Variants in PAX8 observed in about 807,000 individuals in gnomAD.
PAX8 encodes the protein paired box protein Pax-8.
Under a neutral mutation model 52.4 loss-of-function variants are expected in PAX8, and 15 were observed. The ratio of observed to expected loss-of-function variants is 0.29; its 90% CI spans 0.19 to 0.44. PAX8 has a LOEUF of 0.44. Among genes scored for constraint, PAX8 ranks in the 20% least tolerant of loss-of-function variants. PAX8 has a pLI of 1.00. For missense variants in PAX8, 554 were observed against 602.5 expected, an observed-to-expected ratio of 0.92 and a Z score of 0.84; for synonymous variants, 284 against 249.7, an observed-to-expected ratio of 1.14 and a Z score of -1.29.
intron 9 of PAX8, among the ~76,000 whole-genome samples, chr2:113,228,265 G>C (rs1689699859): frequency 6.6e-6 from 1 of 152,168 alleles, no homozygotes; most frequent in African/African-American, 2.4e-5. Flanking sequence ...CAAGATTCTT[G>C]GCAAGGTGAC....
At chr2:113,244,746 C>T in intron 3 of PAX8, 122 bp from the exon 4 acceptor site, 1 of 896,596 alleles carries the variant, frequency 1.1e-6, no homozygotes, top group Non-Finnish European at 1.8e-6. Flanking sequence ...GTGAAATGTG[C>T]CTCCAAGGCT....
At chr2:113,262,332 C>T (rs1041760636) in intron 2 of PAX8, among the ~76,000 whole-genome samples, 1 of 152,068 alleles carries the variant, frequency 6.6e-6, no homozygotes, top group Non-Finnish European at 1.5e-5. Context: ...AAGTGTTGAA[C>T]CTGGACTTCA....
intron 2 of PAX8, among the ~76,000 whole-genome samples, chr2:113,248,133 A>G (rs79820349): frequency 0.028 from 4,242 of 152,296 alleles, 82 homozygotes; most frequent in Non-Finnish European, 0.045. Context: ...ATTCAACTCT[A>G]TAGTACCTAG....
intron 2 of PAX8, chr2:113,269,816 C>T (rs1693342703): frequency 6.6e-6 from 1 of 152,214 alleles, no homozygotes; most frequent in Non-Finnish European, 1.5e-5. Flanking sequence ...TTCCTGCAGT[C>T]CTGTCTTAGC....
intron 2 of PAX8, chr2:113,259,248 C>T (rs1397725149): frequency 6.6e-6 from 1 of 152,662 alleles, no homozygotes; most frequent in Non-Finnish European, 1.5e-5. Flanking sequence ...GGACTCACTT[C>T]CTTTCCTTCC....
chr2:113,216,231 G>GA lies in PAX8; in HGVS notation c.*2301_*2302insT, dbSNP rs1689025685. On this transcript the variant is annotated 3_prime_UTR_variant, in exon 12 of 12. Transcript: ENST00000429538. ...ATGGATTCGGAGTCGCGCTGCAGAGGGAAGTTCTGCCATTGAAAAACCAGC... is the reference window on the plus strand; with the variant it reads ...ATGGATTCGGAGTCGCGCTGCAGAGGAGAAGTTCTGCCATTGAAAAACCAGC... The GA allele has an allele frequency of 8.7e-6, 2 of 230,982 alleles. No homozygotes were observed. The highest frequency in any genetic ancestry group is 4.4e-5 in the African/African-American group (2 of 45,220). The allele number at this position is 230,982 out of a possible 1,614,324, so 14.3% of individuals were successfully genotyped here.
At chr2:113,245,045 G>GT (rs11460401) in intron 3 of PAX8, among the ~76,000 whole-genome samples, 17,756 of 135,506 alleles carry the variant, frequency 0.13, 1,589 homozygotes, top group African/African-American at 0.26. Context: ...GGTTTTTTTT[G>GT]TTTTTTTTTT....
At chr2:113,255,995 A>G (rs962364784) in intron 2 of PAX8, among the ~76,000 whole-genome samples, 1 of 46,208 alleles carries the variant, frequency 2.2e-5, no homozygotes, top group Non-Finnish European at 4.4e-5. Flanking sequence ...CTCAATCAGT[A>G]AAAAAAAAAA....
At chr2:113,248,472 G>A (rs1691502383) in intron 2 of PAX8, among the ~76,000 whole-genome samples, 1 of 152,242 alleles carries the variant, frequency 6.6e-6, no homozygotes, top group Non-Finnish European at 1.5e-5. Context: ...GAGCAGGCAG[G>A]TGAGAAGGAA....
intron 7 of PAX8, 77 bp from the exon 8 acceptor site, chr2:113,236,798 T>C: frequency 6.6e-7 from 1 of 1,511,878 alleles, no homozygotes; most frequent in Non-Finnish European, 8.9e-7. Flanking sequence ...GCCTGTGTCT[T>C]AGGACTTGGC....
intron 2 of PAX8, chr2:113,272,634 T>C (rs944815178): frequency 1.3e-5 from 2 of 152,164 alleles, no homozygotes; most frequent in Non-Finnish European, 2.9e-5. Context: ...GACTCCTGGA[T>C]TGTCATGCTC....
At chr2:113,241,140 G>C (rs1174273567) in intron 7 of PAX8, 1 of 347,674 alleles carries the variant, frequency 2.9e-6, no homozygotes, top group Non-Finnish European at 5.6e-6. Context: ...CATGAGTAAT[G>C]CAAGAGCATG....
intron 2 of PAX8, chr2:113,274,631 T>C (rs149852484): frequency 1.7e-4 from 26 of 152,304 alleles, no homozygotes; most frequent in African/African-American, 6.0e-4. Context: ...ATTAAACTGT[T>C]TACTCCAAGG....
chr2:113,226,796 TCA>T lies in PAX8; in HGVS notation c.1189+357_1189+358del, dbSNP rs950912810. The T allele has an allele frequency of 2.7e-5, 33 of 1,217,768 alleles. No homozygotes were observed. In the African/African-American group the frequency reaches 4.0e-4, roughly 15 times the overall value. The allele number at this position is 1,217,768 out of a possible 1,614,324, so 75.4% of individuals were successfully genotyped here. A position where few individuals can be genotyped will look rare whatever the true frequency, so the allele number is the denominator to read the frequency against. On this transcript the variant is annotated intron_variant, in intron 10 of 11. Transcript: ENST00000429538. Reference sequence around the variant, plus strand: ...CTTGAGGGTAGGGTTCATCTTCCACTCACAGTGTTTTGGGGCCCTTAGAGTGC... The same window carrying T: ...CTTGAGGGTAGGGTTCATCTTCCACTCAGTGTTTTGGGGCCCTTAGAGTGC...
intron 3 of PAX8, among the ~76,000 whole-genome samples, chr2:113,245,769 T>A (rs1691269582): frequency 6.6e-6 from 1 of 152,164 alleles, no homozygotes; most frequent in Non-Finnish European, 1.5e-5. Context: ...CCAGGACTCA[T>A]CTCTTCTGGG....
rs774105314 is a variant in PAX8 at position 113,235,549 on chromosome 2, G to A, written c.932C>T (p.Thr311Ile). Residue 311 changes from threonine (T) to isoleucine (I), a missense_variant, in exon 9 of 12, where the codon ACC (threonine) becomes ATC (isoleucine). Around this residue, in one of 2 missense-constraint regions of PAX8, gnomAD observed 445 missense variants for 409.9 expected, o/e 1.09. Coordinates refer to ENST00000429538, the MANE Select transcript of PAX8 (RefSeq NM_003466.4). ...PHSPFAIKQE[T>I]PEVSSSSSTP... ...GGAGCTAGAACTGGACACCTCGGGG[G>A]TTTCCTGCTTTATGGCGAAGGGTGA... 7.4e-6 allele frequency: 12 copies of A among 1,613,572 alleles called. No homozygotes were observed. The highest frequency in any genetic ancestry group is 8.5e-6 in the Non-Finnish European group (10 of 1,179,702).
chr2:113,219,663 T>C (rs2104412637), intron 11 of PAX8, among the ~76,000 whole-genome samples: 1 of 152,208 alleles, frequency 6.6e-6, no homozygotes, highest in East Asian at 1.9e-4. Flanking sequence ...CAGGATGGCA[T>C]TCTTGAAACT....
intron 2 of PAX8, chr2:113,250,692 T>C (rs1413606488): frequency 2.6e-5 from 4 of 152,350 alleles, no homozygotes; most frequent in Non-Finnish European, 5.9e-5. Flanking sequence ...CTGACAATAA[T>C]AATGATTGTT....
intron 4 of PAX8, among the ~76,000 whole-genome samples, chr2:113,243,431 G>A (rs560294263): frequency 1.7e-4 from 25 of 150,434 alleles, no homozygotes; most frequent in African/African-American, 4.6e-4. Flanking sequence ...TGCTCTTGTC[G>A]CCCAGGCTGG....
Sources: allele counts gnomAD v4.1 joint callset (sites outside exome capture counted in the v4.1 genomes callset), GRCh38; gene constraint gnomAD v4.1.1; regional missense constraint gnomAD v4.1.1; transcripts MANE v1.5; gene names NCBI Gene and HGNC (gene_info 2026-07-23, HGNC 2026-07-21).